The following PEBP4 variants were observed in gnomAD, a reference collection of about 807,000 sequenced individuals.
The protein encoded by PEBP4 is phosphatidylethanolamine-binding protein 4.
In PEBP4, 22 loss-of-function variants were observed where a neutral mutation model predicts 23.9. The ratio of observed to expected loss-of-function variants is 0.92; its 90% confidence interval spans 0.66 to 1.31. PEBP4 has a LOEUF of 1.31. Ranked by LOEUF, PEBP4 falls within the 40% of genes most tolerant of loss-of-function variation. PEBP4 has a pLI of 0.00. For synonymous variants in PEBP4, 112 were observed against 99.3 expected (o/e 1.13, Z -0.76); for missense variants, 324 against 281.7 (o/e 1.15, Z -1.07).
intron 5 of PEBP4, among the ~76,000 whole-genome samples, chr8:22,726,108 G>C (rs1265462194): frequency 6.6e-6 from 1 of 152,070 alleles, no homozygotes; most frequent in Non-Finnish European, 1.5e-5. Flanking sequence ...GTCCCACTCG[G>C]GGTGGGTGTG....
chr8:22,771,357 C>T (rs1448307180), intron 4 of PEBP4, among the ~76,000 whole-genome samples: 8 of 152,052 alleles, frequency 5.3e-5, no homozygotes, highest in African/African-American at 1.7e-4. Flanking sequence ...GACATGGTGG[C>T]GCATGCCTGT....
At chr8:22,858,836 A>C (rs1228271689) in intron 3 of PEBP4, among the ~76,000 whole-genome samples, 1 of 152,194 alleles carries the variant, frequency 6.6e-6, no homozygotes, top group Admixed American at 6.5e-5. Flanking sequence ...AGTCCCAGCT[A>C]TTTGGGAGGC....
At chr8:22,919,338 C>G (rs1809151021) in intron 3 of PEBP4, among the ~76,000 whole-genome samples, 1 of 152,164 alleles carries the variant, frequency 6.6e-6, no homozygotes, top group Non-Finnish European at 1.5e-5. Context: ...ATTTGTGACC[C>G]AAGTCCTGCC....
chr8:22,834,656 T>A (rs1438997770), intron 3 of PEBP4, among the ~76,000 whole-genome samples: 4 of 152,200 alleles, frequency 2.6e-5, no homozygotes, highest in African/African-American at 7.2e-5. Flanking sequence ...CCAGAATATG[T>A]AGGAGAAAAT....
At chr8:22,800,560 T>C (rs1806361473) in intron 4 of PEBP4, among the ~76,000 whole-genome samples, 1 of 152,182 alleles carries the variant, frequency 6.6e-6, no homozygotes, top group African/African-American at 2.4e-5. Flanking sequence ...CTCATTGCTG[T>C]GCCCACCCTG....
intron 4 of PEBP4, among the ~76,000 whole-genome samples, chr8:22,752,377 C>A (rs1805287510): frequency 6.6e-6 from 1 of 152,214 alleles, no homozygotes; most frequent in Non-Finnish European, 1.5e-5. Flanking sequence ...TTCTTAGATA[C>A]TTTACCAAAT....
chr8:22,860,851 T>A (rs1038071235), intron 3 of PEBP4, among the ~76,000 whole-genome samples: 1 of 152,200 alleles, frequency 6.6e-6, no homozygotes, highest in African/African-American at 2.4e-5. Flanking sequence ...TGCAGGTGAC[T>A]CGGTGACAGC....
intron 4 of PEBP4, among the ~76,000 whole-genome samples, chr8:22,803,819 C>CTG (rs1455623357): frequency 6.6e-6 from 1 of 152,202 alleles, no homozygotes; most frequent in Non-Finnish European, 1.5e-5. Flanking sequence ...GCCCCAGAGC[C>CTG]AGGGGCCATC....
At chr8:22,855,564 T>C (rs890962254) in intron 3 of PEBP4, among the ~76,000 whole-genome samples, 3 of 152,164 alleles carry the variant, frequency 2.0e-5, no homozygotes, top group Non-Finnish European at 2.9e-5. Context: ...TTAAGTCTTC[T>C]GCAGAGAAAA....
At chr8:22,805,797 A>ATTT (rs1806483155) in intron 4 of PEBP4, among the ~76,000 whole-genome samples, 1 of 150,624 alleles carries the variant, frequency 6.6e-6, no homozygotes, top group Non-Finnish European at 1.5e-5. Flanking sequence ...TTTTTTTTTA[A>ATTT]AAAAAAGGGA....
chr8:22,845,369 C>CAA (rs34601804), intron 3 of PEBP4, among the ~76,000 whole-genome samples: 3,287 of 132,982 alleles, frequency 0.025, 122 homozygotes, highest in African/African-American at 0.089. Flanking sequence ...CGCATCTCTA[C>CAA]AAAAAAAAAA....
chr8:22,927,782 T>G, intron 1 of PEBP4, 41 bp downstream of exon 1: 1 of 1,597,060 alleles, frequency 6.3e-7, no homozygotes, highest in Non-Finnish European at 8.5e-7. Context: ...GCCCACTACC[T>G]GTGCCCCCGA....
At chr8:22,744,058 T>G (rs1805057560) in intron 4 of PEBP4, among the ~76,000 whole-genome samples, 1 of 152,234 alleles carries the variant, frequency 6.6e-6, no homozygotes, top group Non-Finnish European at 1.5e-5. Flanking sequence ...ATACTTGCCC[T>G]GTGTTCCCAG....
intron 2 of PEBP4, among the ~76,000 whole-genome samples, chr8:22,925,999 A>G (rs1809319780): frequency 6.6e-6 from 1 of 152,166 alleles, no homozygotes; most frequent in African/African-American, 2.4e-5. Context: ...TTTTTGAGAC[A>G]GAGTCTTGGT....
intron 4 of PEBP4, 63 bp downstream of exon 4, chr8:22,817,574 C>A: frequency 6.8e-7 from 1 of 1,478,508 alleles, no homozygotes; most frequent in Non-Finnish European, 9.4e-7. Context: ...GGGAACTGCA[C>A]TGAATGATAA....
intron 6 of PEBP4, among the ~76,000 whole-genome samples, chr8:22,723,453 C>CA (rs1380959468): frequency 6.6e-6 from 1 of 152,126 alleles, no homozygotes; most frequent in Admixed American, 6.6e-5. Flanking sequence ...ACTTCACCCC[C>CA]GAGAGACTCC....
chr8:22,926,982 C>T (rs1297769913), intron 2 of PEBP4, among the ~76,000 whole-genome samples: 4 of 152,118 alleles, frequency 2.6e-5, no homozygotes, highest in East Asian at 1.9e-4. Flanking sequence ...CTTTTCTAAC[C>T]GGCAGAGTTG....
At chr8:22,835,261 A>G (rs1807177799) in intron 3 of PEBP4, among the ~76,000 whole-genome samples, 1 of 152,234 alleles carries the variant, frequency 6.6e-6, no homozygotes, top group Admixed American at 6.5e-5. Context: ...GCATGGAAGT[A>G]TTTTTAAGAC....
At chr8:22,885,102 GC>G (rs1238935989) in intron 3 of PEBP4, 1 of 152,206 alleles carries the variant, frequency 6.6e-6, no homozygotes, top group Non-Finnish European at 1.5e-5. Flanking sequence ...TCAATGCAAT[GC>G]AAGGAGACTG....
Sources: gnomAD v4.1 joint callset for allele counts (sites outside exome capture counted in the v4.1 genomes callset) on GRCh38, gnomAD v4.1.1 for gene constraint, MANE v1.5 for transcripts, NCBI Gene and HGNC (gene_info 2026-07-23, HGNC 2026-07-21) for gene names.